Variants in PDGFRB observed in about 807,000 individuals in gnomAD.
The protein encoded by PDGFRB is platelet-derived growth factor receptor beta.
PDGFRB carries 42 observed loss-of-function variants against 120.2 expected under a neutral mutation model. The ratio of observed to expected loss-of-function variants is 0.35; its 90% CI spans 0.27 to 0.45. The LOEUF (loss-of-function observed/expected upper bound fraction) is 0.45. Ranked by LOEUF, PDGFRB falls within the 20% of genes least tolerant of loss-of-function variation. PDGFRB has a pLI of 1.00. For missense variants in PDGFRB, 1,149 were observed against 1,476.3 expected, an observed-to-expected ratio of 0.78 and a Z score of 3.63; for synonymous variants, 586 against 606.8, an observed-to-expected ratio of 0.97 and a Z score of 0.50.
intron 22 of PDGFRB, among the ~76,000 whole-genome samples, chr5:150,116,763 C>G (rs1326368483): frequency 6.6e-6 from 1 of 152,226 alleles, no homozygotes; most frequent in Non-Finnish European, 1.5e-5. Flanking sequence ...TCTGCACCAT[C>G]CACTGGGACT....
chr5:150,122,817 A>G (rs1760179466), intron 15 of PDGFRB, among the ~76,000 whole-genome samples: 1 of 152,200 alleles, frequency 6.6e-6, no homozygotes, highest in South Asian at 2.1e-4. Context: ...CCCACGACAC[A>G]GGGATGGCAT....
intron 1 of PDGFRB, among the ~76,000 whole-genome samples, chr5:150,142,064 T>C (rs1760799344): frequency 6.6e-6 from 1 of 151,946 alleles, no homozygotes; most frequent in Non-Finnish European, 1.5e-5. Context: ...GCCATGGGGT[T>C]ATGGGGTCAG....
In PDGFRB at chr5:150,131,698, T is replaced by A. The variant is rs568096967; in HGVS notation, c.1243+281A>T. Among the ~76,000 whole-genome samples, 3 of 152,088 alleles carry A rather than the reference T, an allele frequency of 2.0e-5. No homozygotes were observed. The East Asian group carries it at 5.8e-4, about 29-fold the overall frequency. ...AATACCTATCGAGTTAATAGTACAGTATAAGTGGAATGTGAGAAGGGAAAA... is the reference window on the plus strand; with the variant it reads ...AATACCTATCGAGTTAATAGTACAGAATAAGTGGAATGTGAGAAGGGAAAA... On this transcript the variant is annotated intron_variant, in intron 8 of 22. Coordinates refer to ENST00000261799, the MANE Select transcript of PDGFRB (RefSeq NM_002609.4).
At chr5:150,130,441 A>G in intron 9 of PDGFRB, 98 bp downstream of exon 9, 1 of 1,224,600 alleles carries the variant, frequency 8.2e-7, no homozygotes, top group Non-Finnish European at 1.2e-6. Context: ...CTATGCCCGG[A>G]ACAATATGCC....
chr5:150,128,960 T>C (rs912987708), intron 10 of PDGFRB, among the ~76,000 whole-genome samples: 9 of 152,164 alleles, frequency 5.9e-5, no homozygotes, highest in African/African-American at 2.2e-4. Flanking sequence ...TACAGGTGCA[T>C]GTATGCATAA....
chr5:150,135,787 G>C lies in PDGFRB; in HGVS notation c.132C>G (p.Leu44=). The part of the protein sequence containing the change: ...VVTPPGPELV[L]NVSSTFVLTC... ...TCAGAACGAAGGTGCTGGAGACATT[G>C]AGGACAAGCTCTGGCCCCGGGGGTG... Residue 44 remains leucine (L), a synonymous_variant, in exon 3 of 23, where the codon CTC becomes CTG. Transcript: ENST00000261799. 6.2e-7 allele frequency: 1 copy of C among 1,608,708 alleles called. No individual in the cohort carries two copies. The highest frequency in any genetic ancestry group is 8.5e-7 in the Non-Finnish European group (1 of 1,177,240).
intron 15 of PDGFRB, chr5:150,122,287 A>G (rs1490128558): frequency 1.0e-5 from 5 of 480,520 alleles, no homozygotes; most frequent in Non-Finnish European, 1.9e-5. Context: ...ACAGCACCCC[A>G]GGGCAAAGGT....
In PDGFRB at chr5:150,132,108, A is replaced by G; in HGVS notation, c.1128-14T>C. 2.1e-6 allele frequency: 3 copies of G among 1,434,550 alleles called. No homozygotes were observed. Among genetic ancestry groups the G allele is most frequent in the Non-Finnish European group, 3.0e-6 (3 of 1,016,738 alleles). The allele number at this position is 1,434,550 out of a possible 1,614,324, so 88.9% of individuals were successfully genotyped here. On this transcript the variant is annotated splice_polypyrimidine_tract_variant and intron_variant, in intron 7 of 22. Transcript: ENST00000261799. The surrounding 1 kb of genome is among the most constrained non-coding windows in gnomAD (Gnocchi z 5.0). ...TCTGACACATACCTGGGGAGCAGGA[A>G]AGGCAGCTGTCAGAGTCGGAAGGAC...
At chr5:150,130,486 G>A in intron 9 of PDGFRB, 53 bp downstream of exon 9, 4 of 1,579,756 alleles carry the variant, frequency 2.5e-6, no homozygotes, top group Non-Finnish European at 3.5e-6. Context: ...ACCTTCACGA[G>A]CTTTTTCTAG....
At position 150,134,054 on chromosome 5, in the gene PDGFRB, C is replaced by T. The variant is rs745642828; in HGVS notation, c.632-46G>A. On this transcript the variant is annotated intron_variant, in intron 4 of 22. Coordinates refer to ENST00000261799, the MANE Select transcript of PDGFRB (RefSeq NM_002609.4). ...TAGGTCTGGGGAAGTCACCACCAGC[C>T]ACTAGCACTTCAGCTTGGGGATAGG... 5.0e-6 allele frequency: 8 copies of T among 1,596,426 alleles called. No individual in the cohort carries two copies. The South Asian group carries it at 7.7e-5, about 15-fold the overall frequency.
At chr5:150,125,622 G>T in intron 11 of PDGFRB, 45 bp from the exon 12 acceptor site, 1 of 1,605,208 alleles carries the variant, frequency 6.2e-7, no homozygotes, top group Non-Finnish European at 8.5e-7. Context: ...GGAGTCTCAG[G>T]CCCTGAGCCC....
Position 150,117,544 on chromosome 5 carries a change from G to GCGCGCA in PDGFRB, c.3137+73_3137+74insTGCGCG, listed in dbSNP as rs369019315. ...AACCTGGCAGCGCGCGCGCGCGCGC[G>GCGCGCA]CACACACACACACACACACACACAC... On this transcript the variant is annotated intron_variant, in intron 22 of 22. Transcript: ENST00000261799. 85 of 516,492 alleles carry GCGCGCA rather than the reference G, an allele frequency of 1.6e-4. No individual in the cohort carries two copies. The African/African-American group carries it at 2.1e-3, about 13-fold the overall frequency. 32.0% of individuals were successfully genotyped at this position (516,492 alleles called of 1,614,324 possible). A position where few individuals can be genotyped will look rare whatever the true frequency, so the allele number is the denominator to read the frequency against.
rs1759836713 is a variant in PDGFRB, at chr5:150,113,907, C to T, written c.*1856G>A. ...AAAAAAAAGTACACAGATAGAAAAA[C>T]TCAACAGCATACAAAATAGCATTTC... On this transcript the variant is annotated 3_prime_UTR_variant, in exon 23 of 23. Transcript: ENST00000261799. 1 of 232,958 alleles carries T rather than the reference C, an allele frequency of 4.3e-6. No individual in the cohort carries two copies. The highest frequency in any genetic ancestry group is 8.5e-6 in the Non-Finnish European group (1 of 117,752). 14.4% of individuals were successfully genotyped at this position (232,958 alleles called of 1,614,324 possible).
rs1554108389 is a variant in PDGFRB at position 150,125,553 on chromosome 5, T to C, written c.1699A>G (p.Lys567Glu). The change falls in exon 12 of 23, where the codon AAG becomes GAG. Residue 567 changes from lysine (K) to glutamate (E), a missense_variant. Lys to Glu is a moderately conservative substitution (Grantham distance 56). Coordinates refer to ENST00000261799, the MANE Select transcript of PDGFRB (RefSeq NM_002609.4). ...TCAGAGCTCACAGACTCAATCACCT[T>C]CCATCGGATCTCGTAACGTGGCTTC... The part of the protein sequence containing the change: ...QKKPRYEIRW[K>E]VIESVSSDGH... 1 of 1,613,674 alleles carries C rather than the reference T, an allele frequency of 6.2e-7. No individual in the cohort carries two copies. Among genetic ancestry groups the C allele is most frequent in the Non-Finnish European group, 8.5e-7 (1 of 1,179,756 alleles).
intron 9 of PDGFRB, 104 bp from the exon 10 acceptor site, chr5:150,130,072 G>A (rs535521797): frequency 3.8e-4 from 338 of 893,302 alleles, no homozygotes; most frequent in Non-Finnish European, 5.4e-4. Context: ...CAGTTCCTAT[G>A]TCCCACTGCC....
At chr5:150,139,388 T>A (rs1181675233) in intron 1 of PDGFRB, among the ~76,000 whole-genome samples, 2 of 151,992 alleles carry the variant, frequency 1.3e-5, no homozygotes, top group South Asian at 4.2e-4. Flanking sequence ...TGCGTCCCCA[T>A]CCATATAGAG....
intron 20 of PDGFRB, 143 bp from the exon 21 acceptor site, chr5:150,118,995 G>A: frequency 1.6e-6 from 1 of 619,036 alleles, no homozygotes; most frequent in African/African-American, 1.9e-5. Context: ...GGTGTATCCA[G>A]AGGTCCTGTC....
chr5:150,144,599 C>T (rs893496340), intron 1 of PDGFRB, among the ~76,000 whole-genome samples: 2 of 152,278 alleles, frequency 1.3e-5, no homozygotes, highest in Non-Finnish European at 2.9e-5. Flanking sequence ...CAAACACCCC[C>T]TCACCCGTCA....
At chr5:150,143,930 G>A (rs1419285781) in intron 1 of PDGFRB, among the ~76,000 whole-genome samples, 5 of 152,082 alleles carry the variant, frequency 3.3e-5, no homozygotes, top group African/African-American at 1.2e-4. Context: ...CAGCCCACTC[G>A]GTGTTGGAGC....
Sources: allele counts gnomAD v4.1 joint callset (sites outside exome capture counted in the v4.1 genomes callset), GRCh38; gene constraint gnomAD v4.1.1; non-coding constraint Gnocchi (gnomAD v3.1); transcripts MANE v1.5; gene names NCBI Gene and HGNC (gene_info 2026-07-23, HGNC 2026-07-21).